TRUB2: variants seen among roughly 807,000 people sequenced by gnomAD.
TRUB2 encodes the protein pseudouridylate synthase TRUB2, mitochondrial.
Under a neutral mutation model 31.9 loss-of-function variants are expected in TRUB2, and 31 were observed. The ratio of observed to expected loss-of-function variants is 0.97; its 90% CI spans 0.73 to 1.31. The LOEUF is 1.31. Among genes scored for constraint, TRUB2 ranks in the 50% most tolerant of loss-of-function variants. The pLI, the probability that TRUB2 is intolerant of heterozygous loss-of-function variation, is 0.00. For missense variants in TRUB2, 451 were observed against 439.6 expected (o/e 1.03, Z -0.23); for synonymous variants, 201 against 182.6 (o/e 1.10, Z -0.81).
Position 128,306,373 on chromosome 9 carries a change from C to T in TRUB2, c.*3177G>A, listed in dbSNP as rs1372825661. 6.6e-6 allele frequency: 1 copy of T among 152,004 alleles called. No individual in the cohort carries two copies. Among genetic ancestry groups the T allele is most frequent in the African/African-American group, 2.4e-5 (1 of 41,380 alleles). The allele number at this position is 152,004 out of a possible 1,614,324, so 9.4% of individuals were successfully genotyped here. ...GAGTTTTGCTGATACCCTCCACTCC[C>T]ACCCAGCTTTCCTCACCATTTCATT... is the stretch of plus-strand genomic sequence containing the variant. On this transcript the variant is annotated 3_prime_UTR_variant, in exon 8 of 8. Transcript: ENST00000372890.
Position 128,306,317 on chromosome 9 carries a change from C to T in TRUB2, c.*3233G>A, listed in dbSNP as rs1831864112. On this transcript the variant is annotated 3_prime_UTR_variant, in exon 8 of 8. Coordinates refer to ENST00000372890, the MANE Select transcript of TRUB2 (RefSeq NM_015679.3). ...GTGGTGTGACAGCCCATGTGCCCTA[C>T]GTTCAAGTTACCTAATTTTTCCAAA... 1 of 152,054 alleles carries T rather than the reference C, an allele frequency of 6.6e-6. No individual in the cohort carries two copies. Among genetic ancestry groups the T allele is most frequent in the African/African-American group, 2.4e-5 (1 of 41,406 alleles). The allele number at this position is 152,054 out of a possible 1,614,324, so 9.4% of individuals were successfully genotyped here. A position where few individuals can be genotyped will look rare whatever the true frequency, so the allele number is the denominator to read the frequency against.
chr9:128,318,848 T>C (rs1411884745), intron 2 of TRUB2, among the ~76,000 whole-genome samples: 1 of 151,764 alleles, frequency 6.6e-6, no homozygotes, highest in East Asian at 2.0e-4. Flanking sequence ...TTTTGTGGCC[T>C]ATGAGTTAAG....
chr9:128,317,887 A>T (rs531882003), intron 2 of TRUB2, among the ~76,000 whole-genome samples: 2 of 152,164 alleles, frequency 1.3e-5, no homozygotes, highest in Non-Finnish European at 2.9e-5. Context: ...TATACTTCTT[A>T]TTGTTACCAT....
chr9:128,313,803 C>T lies in TRUB2; in HGVS notation c.460+5G>A. 1.2e-6 allele frequency: 2 copies of T among 1,614,022 alleles called. No individual in the cohort carries two copies. Among genetic ancestry groups the T allele is most frequent in the Non-Finnish European group, 1.7e-6 (2 of 1,179,944 alleles). On this transcript the variant is annotated splice_donor_5th_base_variant and intron_variant, in intron 5 of 7. Transcript: ENST00000372890. ...GAGGCAGCGGCAGCCACTTCCGGTTCTCACCATAGGTTGTCTTCTCTACCA... is the reference window on the plus strand; with the variant it reads ...GAGGCAGCGGCAGCCACTTCCGGTTTTCACCATAGGTTGTCTTCTCTACCA...
chr9:128,320,993 T>C (rs1832161346), intron 2 of TRUB2, among the ~76,000 whole-genome samples: 1 of 152,142 alleles, frequency 6.6e-6, no homozygotes, highest in African/African-American at 2.4e-5. Context: ...TTCACCATGT[T>C]GGCCAGGATG....
chr9:128,321,751 T>C (rs374310049), intron 1 of TRUB2, 21 bp from the exon 2 acceptor site: 10 of 1,608,320 alleles, frequency 6.2e-6, no homozygotes, highest in African/African-American at 1.3e-5. Context: ...AGAGATAATA[T>C]ATACACACAT....
In TRUB2 at chr9:128,322,395, C is replaced by A; in HGVS notation, c.14G>T (p.Gly5Val). Residue 5 changes from glycine (G) to valine (V), a missense_variant, in exon 1 of 8, where the codon GGC (glycine) becomes GTC (valine). Physicochemically the swap from Gly to Val is moderately radical, Grantham distance 109. Coordinates refer to ENST00000372890, the MANE Select transcript of TRUB2 (RefSeq NM_015679.3). Reference protein sequence around the residue: MGSAGLSRLHGLFAV... With the variant: MGSAVLSRLHGLFAV... ...GAAAAGCCCATGCAGCCGCGACAAG[C>A]CAGCAGACCCCATACTTGAAGATCA... 1.2e-6 allele frequency: 2 copies of A among 1,614,106 alleles called. No homozygotes were observed. Among genetic ancestry groups the A allele is most frequent in the Non-Finnish European group, 1.7e-6 (2 of 1,180,026 alleles).
intron 4 of TRUB2, among the ~76,000 whole-genome samples, chr9:128,314,193 T>TC (rs1832028655): frequency 6.6e-6 from 1 of 152,146 alleles, no homozygotes. Flanking sequence ...TCAGCAGGCT[T>TC]CCTACAAGAC....
intron 4 of TRUB2, 95 bp downstream of exon 4, chr9:128,315,472 G>A: frequency 7.6e-7 from 1 of 1,311,526 alleles, no homozygotes; most frequent in Non-Finnish European, 1.1e-6. Context: ...TATGGCTTGG[G>A]TGTTCCCCCA....
Position 128,309,699 on chromosome 9 carries a change from T to C in TRUB2, c.847A>G (p.Ile283Val), listed in dbSNP as rs1831932570. Residue 283 changes from isoleucine (I) to valine (V), a missense_variant, in exon 8 of 8, where the codon ATC becomes GTC. Coordinates refer to ENST00000372890, the MANE Select transcript of TRUB2 (RefSeq NM_015679.3). Reference protein sequence around the residue: ...QWDLTNIQDAIRAATPQVAAE... With the variant: ...QWDLTNIQDAVRAATPQVAAE... The stretch of plus-strand genomic sequence containing the variant: ...GCTACCTGAGGGGTAGCAGCCCGGA[T>C]AGCATCCTGGATGTTGGTTAGGTCC... The C allele has an allele frequency of 3.7e-6, 6 of 1,614,206 alleles. No individual in the cohort carries two copies. The highest frequency in any genetic ancestry group is 1.1e-5 in the South Asian group (1 of 91,088).
chr9:128,317,933 T>C (rs186844928), intron 2 of TRUB2, among the ~76,000 whole-genome samples: 12 of 152,290 alleles, frequency 7.9e-5, no homozygotes, highest in Admixed American at 7.8e-4. Context: ...GTCCAACGGG[T>C]TTTTGAGGTT....
Position 128,321,615 on chromosome 9 carries a change from G to A in TRUB2, c.225C>T (p.Phe75=). Residue 75 remains phenylalanine, a synonymous_variant, in exon 2 of 8, where the codon TTC becomes TTT. Transcript: ENST00000372890. ...CTGCCTTACCCAGTGGATGGTTGAT[G>A]AAAGAGGGTACGCTGGTGGCTGTGA... ...LTLTATSVPS[F]INHPLVCGPA... The A allele has an allele frequency of 6.2e-7, 1 of 1,614,076 alleles. No individual in the cohort carries two copies. The highest frequency in any genetic ancestry group is 8.5e-7 in the Non-Finnish European group (1 of 1,179,974).
chr9:128,309,509 T>C lies in TRUB2; in HGVS notation c.*41A>G, dbSNP rs148428332. On this transcript the variant is annotated 3_prime_UTR_variant, in exon 8 of 8. Transcript: ENST00000372890. ...TATCAGGTCCAGCTCATAGCAGTTC[T>C]TCTATTTATCCATCCACTGCCCCAG... The C allele has an allele frequency of 1.3e-6, 2 of 1,574,080 alleles. No individual in the cohort carries two copies. Among genetic ancestry groups the C allele is most frequent in the East Asian group, 2.3e-5 (1 of 44,344 alleles).
chr9:128,317,144 T>A lies in TRUB2; in HGVS notation c.316+8A>T. The A allele has an allele frequency of 6.4e-7, 1 of 1,571,250 alleles. No homozygotes were observed. Among genetic ancestry groups the A allele is most frequent in the Non-Finnish European group, 8.6e-7 (1 of 1,156,308 alleles). ...TCACTGTACCCCCAGGCTTCTCACA[T>A]CACCTACCAAGTACTCCAGAAGCCT... On this transcript the variant is annotated splice_region_variant and intron_variant, in intron 3 of 7. Coordinates refer to ENST00000372890, the MANE Select transcript of TRUB2 (RefSeq NM_015679.3).
chr9:128,314,297 C>T (rs1832030457), intron 4 of TRUB2, among the ~76,000 whole-genome samples: 1 of 152,146 alleles, frequency 6.6e-6, no homozygotes, highest in Admixed American at 6.5e-5. Flanking sequence ...CTCCATGTTT[C>T]TCCTCTCCAA....
intron 2 of TRUB2, among the ~76,000 whole-genome samples, chr9:128,320,414 C>T (rs1196445818): frequency 4.0e-5 from 6 of 151,812 alleles, no homozygotes; most frequent in African/African-American, 7.3e-5. Context: ...CTCACCGCAA[C>T]CTCCGACTCC....
intron 5 of TRUB2, among the ~76,000 whole-genome samples, chr9:128,311,997 G>T (rs1020826949): frequency 6.6e-6 from 1 of 151,474 alleles, no homozygotes; most frequent in African/African-American, 2.4e-5. Context: ...CACCACGTCC[G>T]GCTAATTTTT....
chr9:128,317,210 G>C lies in TRUB2; in HGVS notation c.258C>G (p.Phe86Leu), dbSNP rs188441421. 28 of 1,594,596 alleles carry C rather than the reference G, an allele frequency of 1.8e-5. No homozygotes were observed. Among genetic ancestry groups the C allele is most frequent in the Non-Finnish European group, 2.3e-5 (27 of 1,169,096 alleles). The change falls in exon 3 of 8, where the codon TTC becomes TTG. Residue 86 changes from phenylalanine to leucine, a missense_variant. By Grantham distance (22) the Phe-to-Leu change is conservative. Transcript: ENST00000372890. ...GTCCCACGCCAACCTTGAGATGGGC[G>C]AATGCTGGTCCACATACTGGAAAGA... is the stretch of plus-strand genomic sequence containing the variant. ...INHPLVCGPA[F>L]AHLKVGVGHR...
In TRUB2 at chr9:128,317,240, A is replaced by G; in HGVS notation, c.242-14T>C. ...CTGGTCCACATACTGGAAAGAAACA[A>G]ACAAGGTCCATTTTCTCAACTAAAT... On this transcript the variant is annotated splice_polypyrimidine_tract_variant and intron_variant, in intron 2 of 7. Transcript: ENST00000372890. 1 of 1,586,498 alleles carries G rather than the reference A, an allele frequency of 6.3e-7. No individual in the cohort carries two copies. The highest frequency in any genetic ancestry group is 8.6e-7 in the Non-Finnish European group (1 of 1,164,340).
Sources: allele counts gnomAD v4.1 joint callset (sites outside exome capture counted in the v4.1 genomes callset), GRCh38; gene constraint gnomAD v4.1.1; transcripts MANE v1.5; gene names NCBI Gene and HGNC (gene_info 2026-07-23, HGNC 2026-07-21).